RAB43: variants seen among roughly 807,000 people sequenced by gnomAD.
RAB43 encodes the protein RAB43, member RAS oncogene family.
Under a neutral mutation model 18.8 loss-of-function variants are expected in RAB43, and 6 were observed. That is an observed-to-expected ratio of 0.32 (90% confidence interval 0.17 to 0.63). RAB43 has a LOEUF of 0.63. Among genes scored for constraint, RAB43 ranks in the 30% least tolerant of loss-of-function variants. The pLI, the probability that RAB43 is intolerant of heterozygous loss-of-function variation, is 0.79. For synonymous variants in RAB43, 103 were observed against 124.1 expected (o/e 0.83, Z 1.13); for missense variants, 195 against 289.1 (o/e 0.67, Z 2.36).
rs184987570 is a variant in RAB43, at chr3:129,113,824, C to T, written c.204+7462G>A. On this transcript the variant is annotated intron_variant, in intron 1 of 2. Transcript: ENST00000315150. ...CAGGCAGATCACGAGGTCAAGGGAT[C>T]GAGACCATCCTGGCTAACATGGTGA... 5.7e-3 allele frequency among the ~76,000 whole-genome samples: 864 copies of T among 152,068 alleles called. 3 individuals are homozygous for T. Among genetic ancestry groups the T allele is most frequent in the African/African-American group, 0.015 (615 of 41,504 alleles).
rs1935713319 is a variant in RAB43 at position 129,118,818 on chromosome 3, C to A, written c.204+2468G>T. 3.3e-5 allele frequency among the ~76,000 whole-genome samples: 5 copies of A among 152,190 alleles called. 1 individual carries two copies. The South Asian group carries it at 1.0e-3, about 32-fold the overall frequency. ...CTGGGATTGCAGGCATGAGCCACTG[C>A]ACCCGGCCCCTGGAAAGGTTTTACA... On this transcript the variant is annotated intron_variant, in intron 1 of 2. Transcript: ENST00000315150.
chr3:129,110,525 C>G (rs1473714307), intron 1 of RAB43, among the ~76,000 whole-genome samples: 1 of 152,178 alleles, frequency 6.6e-6, no homozygotes, highest in Non-Finnish European at 1.5e-5. Context: ...CAAAACAAGG[C>G]AAGTAAGGGC....
intron 1 of RAB43, among the ~76,000 whole-genome samples, chr3:129,116,943 G>C (rs1034900357): frequency 1.3e-5 from 2 of 150,716 alleles, no homozygotes; most frequent in African/African-American, 2.5e-5. Context: ...AGGACACTGA[G>C]GTGGGGAGGA....
chr3:129,091,411 G>C, intron 2 of RAB43, 65 bp from the exon 3 acceptor site: 1 of 1,531,092 alleles, frequency 6.5e-7, no homozygotes, highest in Non-Finnish European at 8.8e-7. Context: ...CCACCTGGGA[G>C]GGTCACGCTG....
At chr3:129,104,089 G>A (rs1346744535) in intron 1 of RAB43, among the ~76,000 whole-genome samples, 8 of 152,320 alleles carry the variant, frequency 5.3e-5, no homozygotes, top group Middle Eastern at 3.4e-3. Flanking sequence ...GAAGGTGCCC[G>A]ACAGAAACAT....
At chr3:129,093,870 T>C (rs916703845) in intron 2 of RAB43, among the ~76,000 whole-genome samples, 1 of 151,846 alleles carries the variant, frequency 6.6e-6, no homozygotes, top group Non-Finnish European at 1.5e-5. Flanking sequence ...GCAGTGGTTT[T>C]GCAGATCTTG....
intron 1 of RAB43, among the ~76,000 whole-genome samples, chr3:129,106,957 A>T (rs923094789): frequency 3.3e-5 from 5 of 152,172 alleles, no homozygotes; most frequent in Non-Finnish European, 5.9e-5. Context: ...AGCTTCTCGC[A>T]GTTCAAGTTT....
At chr3:129,119,038 T>C (rs549643611) in intron 1 of RAB43, among the ~76,000 whole-genome samples, 5 of 152,242 alleles carry the variant, frequency 3.3e-5, no homozygotes, top group Non-Finnish European at 7.3e-5. Flanking sequence ...AAATTCTCCA[T>C]CTTGATAGTG....
Position 129,121,508 on chromosome 3 carries a change from G to T in RAB43, c.-19C>A, listed in dbSNP as rs778019089. 6.3e-7 allele frequency: 1 copy of T among 1,587,036 alleles called. No homozygotes were observed. The highest frequency in any genetic ancestry group is 2.3e-5 in the East Asian group (1 of 43,706). ...CTGCCATGGCCTAGAAGAAGCCGAA[G>T]GGCCGGCGCTCTGGACGCTGGGACC... is the stretch of plus-strand genomic sequence containing the variant. On this transcript the variant is annotated 5_prime_UTR_variant, in exon 1 of 3. Coordinates refer to ENST00000315150, the MANE Select transcript of RAB43 (RefSeq NM_198490.3).
At chr3:129,105,385 G>C (rs999113176) in intron 1 of RAB43, among the ~76,000 whole-genome samples, 2 of 152,192 alleles carry the variant, frequency 1.3e-5, no homozygotes, top group African/African-American at 4.8e-5. Context: ...CCTGGGAGAT[G>C]GAGGTTGCAG....
chr3:129,100,884 G>A (rs568153523), intron 1 of RAB43, among the ~76,000 whole-genome samples: 131 of 152,236 alleles, frequency 8.6e-4, no homozygotes, highest in Non-Finnish European at 1.5e-3. Context: ...TCTGCTCACC[G>A]CAACCTCTGT....
intron 1 of RAB43, among the ~76,000 whole-genome samples, chr3:129,104,734 T>C (rs982433984): frequency 6.6e-6 from 1 of 152,242 alleles, no homozygotes; most frequent in Non-Finnish European, 1.5e-5. Context: ...TTTCCTCTTC[T>C]AATCTCTAAA....
intron 1 of RAB43, among the ~76,000 whole-genome samples, chr3:129,105,730 A>G (rs1287788602): frequency 6.6e-6 from 1 of 151,592 alleles, no homozygotes; most frequent in Non-Finnish European, 1.5e-5. Context: ...CAGTGAGCCG[A>G]GACCATGCCA....
chr3:129,109,765 A>T (rs927905937), intron 1 of RAB43, among the ~76,000 whole-genome samples: 3 of 151,458 alleles, frequency 2.0e-5, no homozygotes, highest in East Asian at 1.9e-4. Flanking sequence ...AATAATAATA[A>T]TATTAAAAGT....
chr3:129,102,377 T>C (rs945412968), intron 1 of RAB43, among the ~76,000 whole-genome samples: 2 of 152,076 alleles, frequency 1.3e-5, no homozygotes, highest in Admixed American at 6.6e-5. Flanking sequence ...ACACCTGTAA[T>C]CCCAGCACTT....
At chr3:129,097,994 T>C (rs1350897078) in intron 1 of RAB43, among the ~76,000 whole-genome samples, 1 of 151,932 alleles carries the variant, frequency 6.6e-6, no homozygotes, top group East Asian at 1.9e-4. Context: ...CTGGAGCAGA[T>C]GATGTGATGA....
intron 1 of RAB43, among the ~76,000 whole-genome samples, chr3:129,099,035 T>C (rs1316034615): frequency 1.3e-5 from 2 of 151,744 alleles, no homozygotes; most frequent in Non-Finnish European, 2.9e-5. Flanking sequence ...ATCACGCTAC[T>C]GCACTCCAGC....
chr3:129,112,421 G>T (rs935377919), intron 1 of RAB43, among the ~76,000 whole-genome samples: 1 of 152,082 alleles, frequency 6.6e-6, no homozygotes, highest in Non-Finnish European at 1.5e-5. Context: ...AATGACAAGG[G>T]CCTTTTTTCA....
chr3:129,121,841 C>T (rs1935962288), upstream of RAB43: 1 of 158,540 alleles, frequency 6.3e-6, no homozygotes, highest in South Asian at 2.1e-4. Context: ...CCCGCCCGCC[C>T]CCGGCTCCGC....
Sources: gnomAD v4.1 joint callset for allele counts (sites outside exome capture counted in the v4.1 genomes callset) on GRCh38, gnomAD v4.1.1 for gene constraint, MANE v1.5 for transcripts, NCBI Gene and HGNC (gene_info 2026-07-23, HGNC 2026-07-21) for gene names.